The following EME2 variants were observed in gnomAD, a reference collection of about 807,000 sequenced individuals.
The protein encoded by EME2 is essential meiotic structure-specific endonuclease subunit 2.
EME2 carries 58 observed loss-of-function variants against 41.9 expected under a neutral mutation model. The ratio of observed to expected loss-of-function variants is 1.38; its 90% CI spans 1.12 to 1.72. The LOEUF is 1.72. Among genes scored for constraint, EME2 ranks in the 40% most tolerant of loss-of-function variants. The pLI, the probability that EME2 is intolerant of heterozygous loss-of-function variation, is 0.00. For missense variants in EME2, 695 were observed against 541.9 expected (o/e 1.28, Z -2.81); for synonymous variants, 334 against 239.3 (o/e 1.40, Z -3.65).
rs373297965 is a variant in EME2, at chr16:1,778,547, G to T, written c.*2309G>T. The T allele has an allele frequency of 1.2e-6, 2 of 1,608,034 alleles. No homozygotes were observed. Among genetic ancestry groups the T allele is most frequent in the Admixed American group, 3.3e-5 (2 of 59,886 alleles). ...AGTCACAGAAGGACTCGCCGGTCAC[G>T]GGCACCGCACTGGGGATGGATGGCG... On this transcript the variant is annotated 3_prime_UTR_variant, in exon 8 of 8. Transcript: ENST00000568449.
In EME2 at chr16:1,773,644, A is replaced by G. The variant is rs1188102821; in HGVS notation, c.248-61A>G. 5 of 1,545,186 alleles carry G rather than the reference A, an allele frequency of 3.2e-6. No homozygotes were observed. The African/African-American group carries it at 4.1e-5, about 13-fold the overall frequency. On this transcript the variant is annotated intron_variant, in intron 1 of 7. Transcript: ENST00000568449. The stretch of plus-strand genomic sequence containing the variant: ...GACTCCCCGGTCCGGCCACCCGCCC[A>G]GGTAGGGCGCTCGCGAGGGTGGAAG...
Position 1,773,279 on chromosome 16 carries a change from CG to C in EME2, c.56del (p.Gly19AspfsTer55). ...GGGGGTCTCTTGCCAGGGCCGGGGC[CG>C]GGGACGGGGCGGGAGCGGTCAGCGG... Reference protein sequence around the residue: ...RAGVSCQGRGRGRGGSGQRRP... With the variant: ...RAGVSCQGRGXGRGGSGQRRP... On this transcript the variant is annotated frameshift_variant, in exon 1 of 8. Transcript: ENST00000568449. LOFTEE classifies it high-confidence loss of function. 2.0e-6 allele frequency: 3 copies of C among 1,470,166 alleles called. No homozygotes were observed. Among genetic ancestry groups the C allele is most frequent in the African/African-American group, 1.5e-5 (1 of 68,208 alleles). The allele number at this position is 1,470,166 out of a possible 1,614,324, so 91.1% of individuals were successfully genotyped here.
In EME2 at chr16:1,778,138, T is replaced by G; in HGVS notation, c.*1900T>G. The stretch of plus-strand genomic sequence containing the variant: ...CCCTGGGCCGAAGCAACTTACCATG[T>G]CGGTGCCGTAGACGGGAGAGGTCAT... On this transcript the variant is annotated 3_prime_UTR_variant, in exon 8 of 8. Transcript: ENST00000568449. 6.2e-7 allele frequency: 1 copy of G among 1,612,728 alleles called. No individual in the cohort carries two copies. Among genetic ancestry groups the G allele is most frequent in the South Asian group, 1.1e-5 (1 of 91,078 alleles).
chr16:1,775,528 C>G (rs929172690), intron 5 of EME2, 41 bp from the exon 6 acceptor site: 13 of 1,605,950 alleles, frequency 8.1e-6, no homozygotes, highest in Non-Finnish European at 6.0e-6. Context: ...TCCCGGGTAG[C>G]CTTCCTCTGG....
chr16:1,773,652 C>T (rs1392294167), intron 1 of EME2, 53 bp from the exon 2 acceptor site: 2 of 1,545,760 alleles, frequency 1.3e-6, no homozygotes, highest in African/African-American at 2.8e-5. Flanking sequence ...CCAGGTAGGG[C>T]GCTCGCGAGG....
Position 1,777,720 on chromosome 16 carries a change from G to A in EME2, c.*1482G>A. ...GCCTCCCTCGGGGTGACAGCTGAGA[G>A]GAGCTCAAGTCCTGTGACGGCCTCA... On this transcript the variant is annotated 3_prime_UTR_variant, in exon 8 of 8. Transcript: ENST00000568449. 6.2e-7 allele frequency: 1 copy of A among 1,608,436 alleles called. No homozygotes were observed. Among genetic ancestry groups the A allele is most frequent in the Non-Finnish European group, 8.5e-7 (1 of 1,177,434 alleles).
rs2042693567 is a variant in EME2 at position 1,775,298 on chromosome 16, T to C, written c.570-17T>C. 1.2e-6 allele frequency: 2 copies of C among 1,609,150 alleles called. No homozygotes were observed. The highest frequency in any genetic ancestry group is 1.7e-5 in the Admixed American group (1 of 60,018). On this transcript the variant is annotated splice_polypyrimidine_tract_variant and intron_variant, in intron 4 of 7. Transcript: ENST00000568449. ...AGGCCCCATGGGGAGCGGGGAGGAA[T>C]GGTCACCTCTGCTCAGGTCTCGCCA...
rs996484973 is a variant in EME2, at chr16:1,779,363, G to A, written c.*3125G>A. 6.5e-6 allele frequency: 1 copy of A among 152,716 alleles called. No homozygotes were observed. Among genetic ancestry groups the A allele is most frequent in the African/African-American group, 2.4e-5 (1 of 41,476 alleles). 9.5% of individuals were successfully genotyped at this position (152,716 alleles called of 1,614,324 possible). ...AGGGGGTCAGCAGGGAGAGTGCTAA[G>A]TGGTGGCGGGGGGCCTGTGGCAGAG... On this transcript the variant is annotated 3_prime_UTR_variant, in exon 8 of 8. Transcript: ENST00000568449.
At position 1,780,015 on chromosome 16, in the gene EME2, C is replaced by G. The variant is rs999962878; in HGVS notation, c.*3777C>G. The G allele has an allele frequency of 2.6e-5, 4 of 152,314 alleles. No individual in the cohort carries two copies. Among genetic ancestry groups the G allele is most frequent in the African/African-American group, 9.6e-5 (4 of 41,462 alleles). 9.4% of individuals were successfully genotyped at this position (152,314 alleles called of 1,614,324 possible). A position where few individuals can be genotyped will look rare whatever the true frequency, so the allele number is the denominator to read the frequency against. ...ATGGACCCACCGGGCTTAGGGAGTC[C>G]TCACTCAGAGGAGAGGAGCCCACCC... On this transcript the variant is annotated 3_prime_UTR_variant, in exon 8 of 8. Transcript: ENST00000568449.
Position 1,778,709 on chromosome 16 carries a change from A to T in EME2, c.*2471A>T, listed in dbSNP as rs2042751912. ...GTCCCACCCTGTCCCTGACCCACCC[A>T]GGAAAGGATGGGGGTCCAGGCCTCC... On this transcript the variant is annotated 3_prime_UTR_variant, in exon 8 of 8. Coordinates refer to ENST00000568449, the MANE Select transcript of EME2 (RefSeq NM_001257370.2). 1 of 1,381,808 alleles carries T rather than the reference A, an allele frequency of 7.2e-7. No homozygotes were observed. Among genetic ancestry groups the T allele is most frequent in the Non-Finnish European group, 9.6e-7 (1 of 1,040,420 alleles). 85.6% of individuals were successfully genotyped at this position (1,381,808 alleles called of 1,614,324 possible).
Position 1,775,364 on chromosome 16 carries a change from G to T in EME2, c.619G>T (p.Val207Leu). The T allele has an allele frequency of 6.2e-7, 1 of 1,610,436 alleles. No individual in the cohort carries two copies. Among genetic ancestry groups the T allele is most frequent in the Non-Finnish European group, 8.5e-7 (1 of 1,178,530 alleles). Residue 207 changes from valine to leucine, a missense_variant, in exon 5 of 8, where the codon GTG (valine) becomes TTG (leucine). By Grantham distance (32) the Val-to-Leu change is conservative. Transcript: ENST00000568449. ...RGTQQPESPK[V>L]AGAEVAVSWP... The stretch of plus-strand genomic sequence containing the variant: ...GACACAGCAGCCAGAGAGCCCGAAG[G>T]TGGCCGGTGCCGAGGTGGCCGTCAG...
chr16:1,774,218 C>A, intron 2 of EME2, 42 bp from the exon 3 acceptor site: 1 of 1,573,498 alleles, frequency 6.4e-7, no homozygotes, highest in Non-Finnish European at 8.7e-7. Context: ...CTGGGGCACC[C>A]GGGGTTGAGA....
Position 1,777,926 on chromosome 16 carries a change from C to T in EME2, c.*1688C>T. 1 of 1,612,282 alleles carries T rather than the reference C, an allele frequency of 6.2e-7. No individual in the cohort carries two copies. Among genetic ancestry groups the T allele is most frequent in the Non-Finnish European group, 8.5e-7 (1 of 1,179,768 alleles). ...CGGGAGCTCCAGGCTCGGCCCCGCC[C>T]CACCCTGGGCCTCACGCACCCGTGT... On this transcript the variant is annotated 3_prime_UTR_variant, in exon 8 of 8. Transcript: ENST00000568449.
At position 1,775,774 on chromosome 16, in the gene EME2, A is replaced by G. The variant is rs1178262282; in HGVS notation, c.780-23A>G. On this transcript the variant is annotated intron_variant, in intron 6 of 7. Transcript: ENST00000568449. Reference sequence around the variant, plus strand: ...TTGGGAGCTGCTCACATGAGGTTCTAAAAGGCTTCTCTCTGTCCCCAGGCA... The same window carrying G: ...TTGGGAGCTGCTCACATGAGGTTCTGAAAGGCTTCTCTCTGTCCCCAGGCA... 1.9e-6 allele frequency: 3 copies of G among 1,612,144 alleles called. No homozygotes were observed. In the South Asian group the frequency reaches 3.3e-5, roughly 18 times the overall value.
rs1303930219 is a variant in EME2 at position 1,777,395 on chromosome 16, C to T, written c.*1157C>T. 3 of 1,587,314 alleles carry T rather than the reference C, an allele frequency of 1.9e-6. No homozygotes were observed. Among genetic ancestry groups the T allele is most frequent in the Non-Finnish European group, 2.6e-6 (3 of 1,169,718 alleles). On this transcript the variant is annotated 3_prime_UTR_variant, in exon 8 of 8. Transcript: ENST00000568449. ...CATGCTGCTCCGGGCCGCCGTGGAG[C>T]ACACCATCGGGTAGAATCTCTTGTT...
chr16:1,777,178 G>T lies in EME2; in HGVS notation c.*940G>T. On this transcript the variant is annotated 3_prime_UTR_variant, in exon 8 of 8. Transcript: ENST00000568449. ...GGGCGGAGGTCGCTGCCTGGGGATC[G>T]GACACTGGAGCCTTGCGGCGGCTGC... is the stretch of plus-strand genomic sequence containing the variant. The T allele has an allele frequency of 6.2e-7, 1 of 1,610,858 alleles. No individual in the cohort carries two copies. The highest frequency in any genetic ancestry group is 2.2e-5 in the East Asian group (1 of 44,876).
In EME2 at chr16:1,781,350, G is replaced by C; in HGVS notation, c.*5112G>C. On this transcript the variant is annotated 3_prime_UTR_variant, in exon 8 of 8. Transcript: ENST00000568449. Reference sequence around the variant, plus strand: ...CCAGCCACGTCCGCCTCGCCCGCTGGAACCTACCTGCCCATCAGAGTCGTA... The same window carrying C: ...CCAGCCACGTCCGCCTCGCCCGCTGCAACCTACCTGCCCATCAGAGTCGTA... The C allele has an allele frequency of 6.2e-7, 1 of 1,612,884 alleles. No homozygotes were observed. Among genetic ancestry groups the C allele is most frequent in the South Asian group, 1.1e-5 (1 of 91,084 alleles).
At position 1,777,949 on chromosome 16, in the gene EME2, T is replaced by TA; in HGVS notation, c.*1711_*1712insA. The TA allele has an allele frequency of 6.2e-7, 1 of 1,612,276 alleles. No homozygotes were observed. The highest frequency in any genetic ancestry group is 8.5e-7 in the Non-Finnish European group (1 of 1,179,740). On this transcript the variant is annotated 3_prime_UTR_variant, in exon 8 of 8. Coordinates refer to ENST00000568449, the MANE Select transcript of EME2 (RefSeq NM_001257370.2). The stretch of plus-strand genomic sequence containing the variant: ...CCCCACCCTGGGCCTCACGCACCCG[T>TA]GTAGGAGAGGCCCCAGCTGTCCTCA...
chr16:1,780,900 T>G lies in EME2; in HGVS notation c.*4662T>G. Reference sequence around the variant, plus strand: ...GGCACGTGCCACCACGCCTGACACATTTTTTAAATTTTTGTAGAGACAGTG... The same window carrying G: ...GGCACGTGCCACCACGCCTGACACAGTTTTTAAATTTTTGTAGAGACAGTG... On this transcript the variant is annotated 3_prime_UTR_variant, in exon 8 of 8. Transcript: ENST00000568449. 1 of 332,380 alleles carries G rather than the reference T, an allele frequency of 3.0e-6. No homozygotes were observed. The highest frequency in any genetic ancestry group is 5.9e-6 in the Non-Finnish European group (1 of 169,198). 20.6% of individuals were successfully genotyped at this position (332,380 alleles called of 1,614,324 possible). A position where few individuals can be genotyped will look rare whatever the true frequency, so the allele number is the denominator to read the frequency against.
Sources: gnomAD v4.1 joint callset for allele counts on GRCh38, gnomAD v4.1.1 for gene constraint, MANE v1.5 for transcripts, NCBI Gene and HGNC (gene_info 2026-07-23, HGNC 2026-07-21) for gene names.